ZBTB8A: variants seen among roughly 807,000 people sequenced by gnomAD.
The protein encoded by ZBTB8A is zinc finger and BTB domain containing 8A, also known as zinc finger and BTB domain-containing protein 8A.
Under a neutral mutation model 37.8 loss-of-function variants are expected in ZBTB8A, and 19 were observed. That is an observed-to-expected ratio of 0.50 (90% CI 0.35 to 0.74). The LOEUF (loss-of-function observed/expected upper bound fraction) is 0.74. Among genes scored for constraint, ZBTB8A ranks in the 30% least tolerant of loss-of-function variants. ZBTB8A has a pLI of 0.01. For synonymous variants in ZBTB8A, 181 were observed against 185.2 expected (o/e 0.98, Z 0.19); for missense variants, 394 against 537.8 (o/e 0.73, Z 2.65).
At chr1:32,564,996 C>T (rs1329158396) in intron 2 of ZBTB8A, among the ~76,000 whole-genome samples, 1 of 152,054 alleles carries the variant, frequency 6.6e-6, no homozygotes, top group African/African-American at 2.4e-5. Context: ...TCAGTTTGGC[C>T]CAGTGTTTCT....
chr1:32,590,210 A>T (rs1258345805), intron 2 of ZBTB8A, among the ~76,000 whole-genome samples: 1 of 152,038 alleles, frequency 6.6e-6, no homozygotes, highest in African/African-American at 2.4e-5. Flanking sequence ...CTGGGATTAC[A>T]GGCATGAGCC....
intron 3 of ZBTB8A, among the ~76,000 whole-genome samples, chr1:32,594,689 C>T (rs963736080): frequency 1.3e-5 from 2 of 151,800 alleles, no homozygotes; most frequent in African/African-American, 4.8e-5. Context: ...TCAGGAGAAC[C>T]CAGGAGGCAG....
In ZBTB8A at chr1:32,581,895, C is replaced by T. The variant is rs540068316; in HGVS notation, c.-1-11036C>T. On this transcript the variant is annotated intron_variant, in intron 2 of 4. Coordinates refer to ENST00000373510, the MANE Select transcript of ZBTB8A (RefSeq NM_001040441.3). ...AGATGCTTACAACACCATCAGATCTCGTGAGACTCACTCACTGTAATGAGA... is the reference window on the plus strand; with the variant it reads ...AGATGCTTACAACACCATCAGATCTTGTGAGACTCACTCACTGTAATGAGA... 1.4e-3 allele frequency among the ~76,000 whole-genome samples: 208 copies of T among 152,136 alleles called. 1 individual carries two copies. Among genetic ancestry groups the T allele is most frequent in the African/African-American group, 4.6e-3 (193 of 41,526 alleles).
Position 32,603,975 on chromosome 1 carries a change from T to A in ZBTB8A, c.*3556T>A, listed in dbSNP as rs1471198594. The A allele has an allele frequency of 6.6e-6, 1 of 152,244 alleles. No individual in the cohort carries two copies. The highest frequency in any genetic ancestry group is 1.5e-5 in the Non-Finnish European group (1 of 68,050). 9.4% of individuals were successfully genotyped at this position (152,244 alleles called of 1,614,324 possible). ...TAGAGTGAAACTGTCTATTGATGAT[T>A]GAGAAAATTGAATTCTTTGGTTTTT... is the stretch of plus-strand genomic sequence containing the variant. On this transcript the variant is annotated 3_prime_UTR_variant, in exon 5 of 5. Transcript: ENST00000373510.
rs1644595623 is a variant in ZBTB8A at position 32,603,750 on chromosome 1, T to C, written c.*3331T>C. The C allele has an allele frequency of 1.3e-5, 2 of 152,670 alleles. No individual in the cohort carries two copies. The highest frequency in any genetic ancestry group is 4.1e-4 in the South Asian group (2 of 4,838). 9.5% of individuals were successfully genotyped at this position (152,670 alleles called of 1,614,324 possible). On this transcript the variant is annotated 3_prime_UTR_variant, in exon 5 of 5. Transcript: ENST00000373510. ...GCCACCAGCACTTGTAATTGCCTTT[T>C]CAGAAATAATGCTTTCTCATAATTG...
chr1:32,547,438 C>T (rs1333771193), intron 1 of ZBTB8A, among the ~76,000 whole-genome samples: 4 of 149,592 alleles, frequency 2.7e-5, no homozygotes, highest in Admixed American at 6.7e-5. Flanking sequence ...ACTGCAGCCT[C>T]GAACTCCTGG....
intron 2 of ZBTB8A, among the ~76,000 whole-genome samples, chr1:32,575,597 C>T (rs1644353986): frequency 6.6e-6 from 1 of 151,628 alleles, no homozygotes; most frequent in Non-Finnish European, 1.5e-5. Flanking sequence ...GCCTATAATC[C>T]CAATACTTTG....
rs545903008 is a variant in ZBTB8A at position 32,559,819 on chromosome 1, A to T, written c.-2+6279A>T. ...TTAAGAGGTGATTGGGTTATGAAGG[A>T]TTAATGGGTTATCATGGGAGGAACT... On this transcript the variant is annotated intron_variant, in intron 2 of 4. Transcript: ENST00000373510. 3.9e-5 allele frequency among the ~76,000 whole-genome samples: 6 copies of T among 152,222 alleles called. No homozygotes were observed. The South Asian group carries it at 1.2e-3, about 32-fold the overall frequency.
At chr1:32,582,071 A>G (rs1367655338) in intron 2 of ZBTB8A, among the ~76,000 whole-genome samples, 2 of 152,152 alleles carry the variant, frequency 1.3e-5, no homozygotes, top group African/African-American at 4.8e-5. Context: ...TCATGACCCA[A>G]CTACCTTGTT....
intron 4 of ZBTB8A, among the ~76,000 whole-genome samples, chr1:32,597,703 G>A (rs1167275773): frequency 6.6e-6 from 1 of 152,140 alleles, no homozygotes; most frequent in African/African-American, 2.4e-5. Flanking sequence ...CTGTATCAGA[G>A]CTTGTAACAA....
At chr1:32,579,892 T>G (rs1644390655) in intron 2 of ZBTB8A, among the ~76,000 whole-genome samples, 2 of 152,194 alleles carry the variant, frequency 1.3e-5, no homozygotes, top group African/African-American at 4.8e-5. Flanking sequence ...GATTTTACAT[T>G]TTTTACTTTA....
At chr1:32,556,050 A>G (rs994960867) in intron 2 of ZBTB8A, among the ~76,000 whole-genome samples, 23 of 151,630 alleles carry the variant, frequency 1.5e-4, no homozygotes, top group African/African-American at 5.6e-4. Context: ...CTGGGACTAC[A>G]GGCACATGCA....
At position 32,600,391 on chromosome 1, in the gene ZBTB8A, A is replaced by G. The variant is rs747446090; in HGVS notation, c.1298A>G (p.Glu433Gly). ...GTTGATGATAGTGAAGAAGAAGAAGAAAAAGAAATTAAGCCCAACATTAGG... is the reference window on the plus strand; with the variant it reads ...GTTGATGATAGTGAAGAAGAAGAAGGAAAAGAAATTAAGCCCAACATTAGG... The part of the protein sequence containing the change: ...QQVDDSEEEE[E>G]KEIKPNIR The change falls in exon 5 of 5, where the codon GAA (glutamate) becomes GGA (glycine). Residue 433 changes from glutamate (E) to glycine (G), a missense_variant. Glu to Gly is a moderately conservative substitution (Grantham distance 98). Transcript: ENST00000373510. 1 of 1,612,528 alleles carries G rather than the reference A, an allele frequency of 6.2e-7. No homozygotes were observed. The highest frequency in any genetic ancestry group is 1.1e-5 in the South Asian group (1 of 91,004).
At chr1:32,572,579 A>G (rs1570343331) in intron 2 of ZBTB8A, among the ~76,000 whole-genome samples, 1 of 152,152 alleles carries the variant, frequency 6.6e-6, no homozygotes, top group East Asian at 1.9e-4. Context: ...TATTTTTAGT[A>G]GAGATGGGGT....
chr1:32,605,235 A>C lies in ZBTB8A; in HGVS notation c.*4816A>C, dbSNP rs1284312087. 6.6e-6 allele frequency: 1 copy of C among 151,524 alleles called. No homozygotes were observed. Among genetic ancestry groups the C allele is most frequent in the Non-Finnish European group, 1.5e-5 (1 of 67,920 alleles). The allele number at this position is 151,524 out of a possible 1,614,324, so 9.4% of individuals were successfully genotyped here. Reference sequence around the variant, plus strand: ...TAGGTACAGGAGGACCAAACTTTAGATTATAAACCAGAAAGTTTTGTTATT... The same window carrying C: ...TAGGTACAGGAGGACCAAACTTTAGCTTATAAACCAGAAAGTTTTGTTATT... On this transcript the variant is annotated 3_prime_UTR_variant, in exon 5 of 5. Coordinates refer to ENST00000373510, the MANE Select transcript of ZBTB8A (RefSeq NM_001040441.3).
chr1:32,577,363 T>C (rs1048939557), intron 2 of ZBTB8A, among the ~76,000 whole-genome samples: 1 of 151,492 alleles, frequency 6.6e-6, no homozygotes, highest in African/African-American at 2.4e-5. Flanking sequence ...TTGCCCAGGC[T>C]GGTGTTGAGC....
At chr1:32,583,804 C>T (rs185998259) in intron 2 of ZBTB8A, among the ~76,000 whole-genome samples, 1 of 152,054 alleles carries the variant, frequency 6.6e-6, no homozygotes, top group East Asian at 1.9e-4. Flanking sequence ...AGTGCAGTGG[C>T]GGGATCTCAG....
At chr1:32,576,587 C>G (rs562760677) in intron 2 of ZBTB8A, among the ~76,000 whole-genome samples, 182 of 152,284 alleles carry the variant, frequency 1.2e-3, no homozygotes, top group Admixed American at 3.7e-3. Context: ...CACCACCATG[C>G]CTGGCTAATT....
At chr1:32,554,328 CTGAT>C (rs1040279353) in intron 2 of ZBTB8A, among the ~76,000 whole-genome samples, 5 of 151,124 alleles carry the variant, frequency 3.3e-5, no homozygotes, top group African/African-American at 9.7e-5. Flanking sequence ...TCCCTGTTCA[CTGAT>C]TGCTAATTTT....
Sources: allele counts gnomAD v4.1 joint callset (sites outside exome capture counted in the v4.1 genomes callset), GRCh38; gene constraint gnomAD v4.1.1; transcripts MANE v1.5; gene names NCBI Gene and HGNC (gene_info 2026-07-23, HGNC 2026-07-21).